The following SNAP47 variants were observed in gnomAD, a reference collection of about 807,000 sequenced individuals.
SNAP47 encodes synaptosome associated protein 47.
Under a neutral mutation model 31.4 loss-of-function variants are expected in SNAP47, and 20 were observed. That is an observed-to-expected ratio of 0.64 (90% CI 0.45 to 0.93). The LOEUF (loss-of-function observed/expected upper bound fraction) is 0.93, where lower values mean the gene tolerates loss of function less well. Among genes scored for constraint, SNAP47 ranks in the 40% least tolerant of loss-of-function variants. The pLI is 0.00. For missense variants in SNAP47, 492 were observed against 528.5 expected (o/e 0.93, Z 0.68); for synonymous variants, 194 against 213.4 (o/e 0.91, Z 0.79).
At chr1:227,744,438 C>T (rs554985541) in intron 1 of SNAP47, among the ~76,000 whole-genome samples, 1 of 152,194 alleles carries the variant, frequency 6.6e-6, no homozygotes, top group Non-Finnish European at 1.5e-5. Context: ...TAAGCCACAT[C>T]AGCGTAGAAG....
Position 227,756,096 on chromosome 1 carries a change from C to T in SNAP47, c.498-2899C>T, listed in dbSNP as rs76702347. 9.3e-3 allele frequency among the ~76,000 whole-genome samples: 1,424 copies of T among 152,314 alleles called. 17 individuals are homozygous for T. Among genetic ancestry groups the T allele is most frequent in the Non-Finnish European group, 0.016 (1,110 of 68,028 alleles). On this transcript the variant is annotated intron_variant, in intron 2 of 4. Transcript: ENST00000617596. ...AACCCAACTACCTTGGGCACATGTT[C>T]GCAGGACCTCCTGAGGCTGTGTCAC...
chr1:227,779,931 C>G (rs1182789935), intron 4 of SNAP47, among the ~76,000 whole-genome samples: 1 of 152,154 alleles, frequency 6.6e-6, no homozygotes, highest in African/African-American at 2.4e-5. Context: ...GACCATCTCC[C>G]ACACCCCCAC....
intron 4 of SNAP47, among the ~76,000 whole-genome samples, chr1:227,770,190 T>G (rs1663705862): frequency 6.6e-6 from 1 of 152,218 alleles, no homozygotes; most frequent in Admixed American, 6.5e-5. Context: ...GACGTCTCCA[T>G]AAACAACAAA....
At position 227,741,012 on chromosome 1, in the gene SNAP47, G is replaced by T. The variant is rs900598796; in HGVS notation, c.-46+5513G>T. ...TTAGGGTCAGGGACAGATGCCCAGCGGGTGATAGGGGAGGGCCTGTGAAGT... is the reference window on the plus strand; with the variant it reads ...TTAGGGTCAGGGACAGATGCCCAGCTGGTGATAGGGGAGGGCCTGTGAAGT... On this transcript the variant is annotated intron_variant, in intron 1 of 4. Coordinates refer to ENST00000617596, the MANE Select transcript of SNAP47 (RefSeq NM_053052.4). This position sits in a 1 kb window ranked among gnomAD's most constrained non-coding sequence, Gnocchi z 4.2. Among the ~76,000 whole-genome samples the T allele has an allele frequency of 6.7e-6, 1 of 148,194 alleles. No homozygotes were observed. Among genetic ancestry groups the T allele is most frequent in the East Asian group, 1.9e-4 (1 of 5,140 alleles).
At chr1:227,765,261 T>C (rs1450226996) in intron 3 of SNAP47, among the ~76,000 whole-genome samples, 1 of 152,200 alleles carries the variant, frequency 6.6e-6, no homozygotes, top group African/African-American at 2.4e-5. Context: ...TATGGGGCTC[T>C]TGGAGGAAGG....
chr1:227,768,217 A>G, intron 4 of SNAP47: 4 of 946,370 alleles, frequency 4.2e-6, no homozygotes, highest in Non-Finnish European at 5.0e-6. Context: ...TGCAGTCTCC[A>G]GGTGCAGCTT....
At chr1:227,749,341 A>G (rs1662190450) in intron 2 of SNAP47, among the ~76,000 whole-genome samples, 1 of 151,994 alleles carries the variant, frequency 6.6e-6, no homozygotes, top group Non-Finnish European at 1.5e-5. Context: ...GCTCAGGTAG[A>G]AAGTTTACTC....
intron 4 of SNAP47, chr1:227,770,605 C>T (rs1481329154): frequency 2.6e-5 from 4 of 154,824 alleles, no homozygotes; most frequent in Non-Finnish European, 4.4e-5. Flanking sequence ...CCTCAGGGAC[C>T]CCCGTTCCTG....
chr1:227,740,393 G>C (rs374223398), intron 1 of SNAP47, among the ~76,000 whole-genome samples: 1 of 152,228 alleles, frequency 6.6e-6, no homozygotes, highest in African/African-American at 2.4e-5. Context: ...CTCATTGACT[G>C]CTGGAGGGGG....
upstream of SNAP47, chr1:227,732,637 A>G (rs747276985): frequency 6.2e-7 from 1 of 1,613,266 alleles, no homozygotes. Context: ...AAGTGGTAAA[A>G]CTCTTCAAAG....
Position 227,759,074 on chromosome 1 carries a change from A to C in SNAP47, c.577A>C (p.Arg193=). The C allele has an allele frequency of 6.2e-7, 1 of 1,614,200 alleles. No homozygotes were observed. The highest frequency in any genetic ancestry group is 8.5e-7 in the Non-Finnish European group (1 of 1,180,032). Residue 193 remains arginine (R), a synonymous_variant, in exon 3 of 5, where the codon AGG becomes CGG. Coordinates refer to ENST00000617596, the MANE Select transcript of SNAP47 (RefSeq NM_053052.4). ...GAAGACACCACCGGAAACAAAGCCC[A>C]GGGAAGATGTCTCCATGACCAGTTG... ...LWKTPPETKP[R]EDVSMTSCEP...
upstream of SNAP47, among the ~76,000 whole-genome samples, chr1:227,730,040 G>A (rs535107776): frequency 5.9e-5 from 9 of 152,326 alleles, no homozygotes; most frequent in Admixed American, 2.0e-4. Context: ...CAGCTCCCAC[G>A]TAGCCTTAGG....
upstream of SNAP47, chr1:227,734,292 C>A (rs1249425677): frequency 2.4e-6 from 1 of 422,672 alleles, no homozygotes; most frequent in Non-Finnish European, 4.1e-6. Flanking sequence ...GAGGTGGATG[C>A]ATCACCTGAG....
chr1:227,747,958 C>T lies in SNAP47; in HGVS notation c.222C>T (p.Gly74=), dbSNP rs770235839. The change falls in exon 2 of 5, where the codon GGC becomes GGT. Residue 74 remains glycine (G), a synonymous_variant. Transcript: ENST00000617596. ...IFSSITILEK[G]HAKHWFSSLR... ...GCTCCATCACCATCCTGGAGAAGGG[C>T]CATGCCAAGCACTGGTTCAGCTCCC... 129 of 1,614,112 alleles carry T rather than the reference C, an allele frequency of 8.0e-5. No individual in the cohort carries two copies. The highest frequency in any genetic ancestry group is 1.1e-4 in the Non-Finnish European group (124 of 1,180,054).
At chr1:227,765,266 G>A (rs1357840636) in intron 3 of SNAP47, among the ~76,000 whole-genome samples, 1 of 152,232 alleles carries the variant, frequency 6.6e-6, no homozygotes, top group African/African-American at 2.4e-5. Flanking sequence ...GGCTCTTGGA[G>A]GAAGGAGGCA....
intron 2 of SNAP47, among the ~76,000 whole-genome samples, chr1:227,753,337 T>C (rs1039722776): frequency 2.0e-5 from 3 of 152,252 alleles, no homozygotes; most frequent in African/African-American, 7.2e-5. Context: ...GGGATGCCTC[T>C]AAGATTTCTA....
intron 2 of SNAP47, among the ~76,000 whole-genome samples, chr1:227,751,744 G>GT (rs540732076): frequency 0.035 from 2,425 of 69,184 alleles, 805 homozygotes; most frequent in Non-Finnish European, 0.052. Flanking sequence ...TAAAGACTTG[G>GT]TTTTTTTTTT....
chr1:227,755,841 G>T (rs184436847), intron 2 of SNAP47, among the ~76,000 whole-genome samples: 2 of 149,674 alleles, frequency 1.3e-5, no homozygotes, highest in Admixed American at 1.3e-4. Context: ...CGTGGAGTTT[G>T]TCTGGGACAA....
intron 4 of SNAP47, among the ~76,000 whole-genome samples, chr1:227,774,909 G>C (rs1664057773): frequency 6.6e-6 from 1 of 152,232 alleles, no homozygotes; most frequent in Non-Finnish European, 1.5e-5. Flanking sequence ...GCGCTCTTGG[G>C]CAGGACAATC....
Sources: allele counts gnomAD v4.1 joint callset (sites outside exome capture counted in the v4.1 genomes callset), GRCh38; gene constraint gnomAD v4.1.1; non-coding constraint Gnocchi (gnomAD v3.1); transcripts MANE v1.5; gene names NCBI Gene and HGNC (gene_info 2026-07-23, HGNC 2026-07-21).